Variants in PTK2B observed in about 807,000 individuals in gnomAD.
The protein encoded by PTK2B is protein-tyrosine kinase 2-beta.
In PTK2B, 71 loss-of-function variants were observed where a neutral mutation model predicts 142.9. The observed-to-expected ratio is 0.50, with a 90% CI of 0.41 to 0.61. The LOEUF (loss-of-function observed/expected upper bound fraction) is 0.61, where lower values mean the gene tolerates loss of function less well. PTK2B is among the 20% of genes least tolerant of loss of function. The probability of loss-of-function intolerance (pLI) is 0.00; values close to 1 mark genes in which losing one functional copy is unlikely to be tolerated. For missense variants in PTK2B, 1,105 were observed against 1,320.4 expected (o/e 0.84, Z 2.53); for synonymous variants, 519 against 503.4 (o/e 1.03, Z -0.42).
chr8:27,350,990 AATATATATATATATATATATAT>A lies in PTK2B; in HGVS notation c.-38+25339_-38+25360del, dbSNP rs1161548916. ...GTCTCCGTCTCAAAAAAAAAAAAAA[AATATATATATATATATATATAT>A]ATATATATATATATATATATATATA... On this transcript the variant is annotated intron_variant, in intron 1 of 30. Coordinates refer to ENST00000346049, the MANE Select transcript of PTK2B (RefSeq NM_173176.3). Among the ~76,000 whole-genome samples the A allele has an allele frequency of 1.3e-3, 16 of 12,092 alleles. 2 individuals carry two copies. The highest frequency in any genetic ancestry group is 4.5e-3 in the African/African-American group (14 of 3,128). The allele number at this position is 12,092 out of a possible 152,430, so 7.9% of individuals were successfully genotyped here.
chr8:27,356,855 G>T (rs971843659), intron 1 of PTK2B, among the ~76,000 whole-genome samples: 6 of 152,312 alleles, frequency 3.9e-5, no homozygotes, highest in African/African-American at 1.2e-4. Context: ...CATCCTTTAA[G>T]AGATGAAACT....
chr8:27,332,920 T>C (rs1235554036), intron 1 of PTK2B, among the ~76,000 whole-genome samples: 1 of 152,160 alleles, frequency 6.6e-6, no homozygotes, highest in Non-Finnish European at 1.5e-5. Context: ...AAGTTTATAG[T>C]ATGGTAGGGG....
chr8:27,459,329 AC>A lies in PTK2B; in HGVS notation c.*821del. The A allele has an allele frequency of 4.3e-6, 1 of 233,188 alleles. No homozygotes were observed. Among genetic ancestry groups the A allele is most frequent in the Non-Finnish European group, 8.5e-6 (1 of 118,096 alleles). 14.4% of individuals were successfully genotyped at this position (233,188 alleles called of 1,614,324 possible). On this transcript the variant is annotated 3_prime_UTR_variant, in exon 31 of 31. Transcript: ENST00000346049. ...CTTCTTTTCTCATGTGTTTGCATAA[AC>A]ATTCTTTTAACTTCTTTCTATTTGA...
At chr8:27,413,148 A>C (rs1809172082) in intron 2 of PTK2B, among the ~76,000 whole-genome samples, 1 of 152,122 alleles carries the variant, frequency 6.6e-6, no homozygotes, top group Admixed American at 6.5e-5. Context: ...ATAAGCAGGC[A>C]TACATGCATA....
At chr8:27,392,113 A>G (rs772005053) in intron 1 of PTK2B, among the ~76,000 whole-genome samples, 1 of 152,212 alleles carries the variant, frequency 6.6e-6, no homozygotes, top group Non-Finnish European at 1.5e-5. Context: ...GAGATAGGCT[A>G]TTGACGAGTA....
intron 20 of PTK2B, among the ~76,000 whole-genome samples, chr8:27,439,935 G>A (rs1811052322): frequency 1.3e-5 from 2 of 152,146 alleles, no homozygotes; most frequent in African/African-American, 2.4e-5. Flanking sequence ...CTAAGGAGTG[G>A]CTCCCCTCCC....
chr8:27,424,276 T>C (rs1809938627), intron 5 of PTK2B, among the ~76,000 whole-genome samples: 3 of 152,212 alleles, frequency 2.0e-5, no homozygotes, highest in Non-Finnish European at 4.4e-5. Context: ...TTTTATTATA[T>C]CCTCCAATCA....
At chr8:27,434,157 CAG>C in intron 12 of PTK2B, 25 bp downstream of exon 12, 7 of 1,611,770 alleles carry the variant, frequency 4.3e-6, no homozygotes, top group Non-Finnish European at 5.9e-6. Context: ...GTGCAGAGGA[CAG>C]GGCCCTGAGC....
intron 1 of PTK2B, among the ~76,000 whole-genome samples, chr8:27,386,949 G>A (rs971763627): frequency 6.6e-6 from 1 of 150,704 alleles, no homozygotes; most frequent in African/African-American, 2.4e-5. Flanking sequence ...CCTTAATCAA[G>A]TCCTACATAT....
chr8:27,360,971 T>G (rs1227539696), intron 1 of PTK2B, among the ~76,000 whole-genome samples: 1 of 152,196 alleles, frequency 6.6e-6, no homozygotes, highest in Non-Finnish European at 1.5e-5. Context: ...TTGTGCTTTT[T>G]GTTGATATGA....
chr8:27,449,149 A>C (rs762607151), intron 24 of PTK2B, among the ~76,000 whole-genome samples: 1 of 152,242 alleles, frequency 6.6e-6, no homozygotes. Context: ...AGTAGTGCTG[A>C]GGTTGAGGAG....
At chr8:27,445,339 A>C (rs1470501411) in intron 23 of PTK2B, among the ~76,000 whole-genome samples, 1 of 152,162 alleles carries the variant, frequency 6.6e-6, no homozygotes, top group East Asian at 1.9e-4. Flanking sequence ...CTTGAGGCCA[A>C]GAGTTTAAGG....
At chr8:27,416,150 G>T (rs6988123) in intron 2 of PTK2B, among the ~76,000 whole-genome samples, 65,738 of 152,122 alleles carry the variant, frequency 0.43, 14,738 homozygotes, top group African/African-American at 0.53. Flanking sequence ...CACTCATAAT[G>T]CAGCAGACTT....
At chr8:27,450,716 G>T (rs774572405) in intron 24 of PTK2B, 33 bp from the exon 25 acceptor site, 1 of 1,613,054 alleles carries the variant, frequency 6.2e-7, no homozygotes, top group Non-Finnish European at 8.5e-7. Flanking sequence ...AGGGCTCATT[G>T]CATCCTCTCC....
At chr8:27,328,261 C>T (rs193172058) in intron 1 of PTK2B, among the ~76,000 whole-genome samples, 7 of 152,244 alleles carry the variant, frequency 4.6e-5, no homozygotes, top group Admixed American at 1.3e-4. Context: ...CAGACAAATG[C>T]GCCATGAAAT....
intron 2 of PTK2B, among the ~76,000 whole-genome samples, chr8:27,415,187 T>A (rs997135980): frequency 6.6e-6 from 1 of 152,162 alleles, no homozygotes; most frequent in Non-Finnish European, 1.5e-5. Context: ...TATTATTTTG[T>A]CCATATTCTA....
rs374240394 is a variant in PTK2B, at chr8:27,431,158, G to A, written c.810+142G>A. 24 of 1,477,992 alleles carry A rather than the reference G, an allele frequency of 1.6e-5. No homozygotes were observed. The African/African-American group carries it at 3.1e-4, about 19-fold the overall frequency. 91.6% of individuals were successfully genotyped at this position (1,477,992 alleles called of 1,614,324 possible). A position where few individuals can be genotyped will look rare whatever the true frequency, so the allele number is the denominator to read the frequency against. ...GGACCTCGCTGACCTGCCGTCGGTG[G>A]AAGTCAAAAGCATCCCCTTGCCTGA... On this transcript the variant is annotated intron_variant, in intron 8 of 30. Transcript: ENST00000346049.
chr8:27,362,263 G>A (rs531248430), intron 1 of PTK2B, among the ~76,000 whole-genome samples: 1 of 152,230 alleles, frequency 6.6e-6, no homozygotes, highest in Non-Finnish European at 1.5e-5. Context: ...TCTCCCCTAG[G>A]CTGACCTGTC....
chr8:27,429,468 G>A (rs1224234274), intron 5 of PTK2B, among the ~76,000 whole-genome samples: 1 of 152,122 alleles, frequency 6.6e-6, no homozygotes, highest in Non-Finnish European at 1.5e-5. Flanking sequence ...TTAGCTATTT[G>A]GTCTCAGCTT....
Sources: gnomAD v4.1 joint callset for allele counts (sites outside exome capture counted in the v4.1 genomes callset) on GRCh38, gnomAD v4.1.1 for gene constraint, MANE v1.5 for transcripts, NCBI Gene and HGNC (gene_info 2026-07-23, HGNC 2026-07-21) for gene names.